DOCK1: variants seen among roughly 807,000 people sequenced by gnomAD.
DOCK1 encodes the protein dedicator of cytokinesis protein 1.
A neutral mutation model predicts 262.7 loss-of-function variants in DOCK1; 138 were observed. That is an observed-to-expected ratio of 0.53 (90% CI 0.46 to 0.61). The LOEUF is 0.61. DOCK1 is among the 20% of genes least tolerant of loss of function. The probability of loss-of-function intolerance (pLI) is 0.00; values close to 1 mark genes in which losing one functional copy is unlikely to be tolerated. For synonymous variants in DOCK1, 866 were observed against 867.4 expected, an observed-to-expected ratio of 1.00 and a Z score of 0.03; for missense variants, 1,908 against 2,370.7, an observed-to-expected ratio of 0.80 and a Z score of 4.05.
intron 16 of DOCK1, 29 bp from the exon 17 acceptor site, chr10:127,031,618 AATC>A: frequency 6.6e-7 from 1 of 1,509,246 alleles, no homozygotes; most frequent in Middle Eastern, 1.7e-4. Context: ...AATTGAAAGC[AATC>A]ATCAATTTTT....
chr10:127,134,551 T>G (rs2050532843), intron 27 of DOCK1, among the ~76,000 whole-genome samples: 1 of 152,164 alleles, frequency 6.6e-6, no homozygotes, highest in Non-Finnish European at 1.5e-5. Context: ...AGTTGCACAC[T>G]TGTAGAGTGA....
At chr10:127,026,464 G>A in intron 16 of DOCK1, 40 bp downstream of exon 16, 2 of 1,545,492 alleles carry the variant, frequency 1.3e-6, no homozygotes, top group Non-Finnish European at 1.8e-6. Flanking sequence ...GTATTTTTAA[G>A]GGAGAACTGG....
intron 27 of DOCK1, among the ~76,000 whole-genome samples, chr10:127,237,712 A>G (rs1194606317): frequency 1.3e-5 from 2 of 152,160 alleles, no homozygotes; most frequent in African/African-American, 4.8e-5. Context: ...TTGTAGTTCT[A>G]TTATTGTATT....
In DOCK1 at chr10:127,451,694, T is replaced by A; in HGVS notation, c.*267T>A. 1.7e-6 allele frequency: 1 copy of A among 573,170 alleles called. No individual in the cohort carries two copies. Among genetic ancestry groups the A allele is most frequent in the Non-Finnish European group, 2.8e-6 (1 of 356,574 alleles). The allele number at this position is 573,170 out of a possible 1,614,324, so 35.5% of individuals were successfully genotyped here. A position where few individuals can be genotyped will look rare whatever the true frequency, so the allele number is the denominator to read the frequency against. On this transcript the variant is annotated 3_prime_UTR_variant, in exon 52 of 52. Coordinates refer to ENST00000623213, the MANE Select transcript of DOCK1 (RefSeq NM_001290223.2). The stretch of plus-strand genomic sequence containing the variant: ...GGGGGCCTCTGAGTGTGTCTGGCTC[T>A]GAGAGAGTCTGAGTCTTGCCCAAAC...
chr10:127,246,563 C>T (rs2059437423), intron 27 of DOCK1, among the ~76,000 whole-genome samples: 1 of 152,170 alleles, frequency 6.6e-6, no homozygotes, highest in Admixed American at 6.5e-5. Context: ...AGCTGTTTCC[C>T]TGAACACCAA....
At chr10:126,938,928 C>CACG (rs1263048011) in intron 1 of DOCK1, among the ~76,000 whole-genome samples, 4 of 96,404 alleles carry the variant, frequency 4.1e-5, no homozygotes, top group Non-Finnish European at 7.5e-5. Context: ...AAAGGATGAA[C>CACG]ACGGGGGGAC....
rs577880907 is a variant in DOCK1 at position 127,215,348 on chromosome 10, C to T, written c.2848-32660C>T. 1.1e-4 allele frequency among the ~76,000 whole-genome samples: 16 copies of T among 152,248 alleles called. No homozygotes were observed. The South Asian group carries it at 3.1e-3, about 30-fold the overall frequency. ...GCATCCATGGAGCACTAGGGAAGAC[C>T]CAGCCACGCAGCTCCATGTGATCCC... On this transcript the variant is annotated intron_variant, in intron 27 of 51. Transcript: ENST00000623213.
chr10:127,374,303 C>T (rs1053386915), intron 35 of DOCK1, 89 bp downstream of exon 35: 2 of 1,443,232 alleles, frequency 1.4e-6, no homozygotes, highest in African/African-American at 2.9e-5. Flanking sequence ...CTATGACAGT[C>T]AGCCACGAAG....
intron 29 of DOCK1, among the ~76,000 whole-genome samples, chr10:127,279,289 C>T (rs1202992862): frequency 6.6e-6 from 1 of 152,186 alleles, no homozygotes; most frequent in Non-Finnish European, 1.5e-5. Context: ...CCATACTTTA[C>T]AAGTACCATT....
At chr10:126,958,964 A>G (rs2036973226) in intron 1 of DOCK1, among the ~76,000 whole-genome samples, 1 of 152,200 alleles carries the variant, frequency 6.6e-6, no homozygotes, top group South Asian at 2.1e-4. Flanking sequence ...TACATTTTAG[A>G]GACGCATGAG....
At chr10:127,152,010 CAT>C (rs71746119) in intron 27 of DOCK1, among the ~76,000 whole-genome samples, 124,280 of 145,434 alleles carry the variant, frequency 0.85, 51,711 homozygotes, top group South Asian at 0.92. Flanking sequence ...ACAGTGTTCA[CAT>C]ATATATATAT....
chr10:127,341,536 C>CT (rs1374342771), intron 30 of DOCK1, among the ~76,000 whole-genome samples: 1 of 152,150 alleles, frequency 6.6e-6, no homozygotes, highest in Non-Finnish European at 1.5e-5. Flanking sequence ...TTTTTTTCCC[C>CT]ATCTCATACT....
chr10:127,034,715 A>G (rs548240363), intron 18 of DOCK1, among the ~76,000 whole-genome samples: 17 of 152,276 alleles, frequency 1.1e-4, no homozygotes, highest in Admixed American at 6.5e-5. Context: ...GCAGGAAGCC[A>G]TCATCTCATA....
intron 1 of DOCK1, among the ~76,000 whole-genome samples, chr10:126,906,169 C>T (rs2030765332): frequency 6.6e-6 from 1 of 152,192 alleles, no homozygotes; most frequent in Admixed American, 6.5e-5. Context: ...GCCGAGCGCC[C>T]CAGTGGCCCC....
intron 27 of DOCK1, among the ~76,000 whole-genome samples, chr10:127,148,030 C>CAAAAAAAA (rs57503481): frequency 1.6e-5 from 1 of 63,276 alleles, no homozygotes; most frequent in Non-Finnish European, 3.3e-5. Flanking sequence ...GACTCTGTCT[C>CAAAAAAAA]AAAAAAAAAA....
At chr10:127,148,880 G>A (rs1245421493) in intron 27 of DOCK1, among the ~76,000 whole-genome samples, 29 of 152,142 alleles carry the variant, frequency 1.9e-4, no homozygotes, top group Non-Finnish European at 5.9e-5. Context: ...TAGCACAGTC[G>A]GTCTGCATCA....
chr10:127,050,057 T>A (rs2135716088), intron 21 of DOCK1, among the ~76,000 whole-genome samples: 1 of 145,094 alleles, frequency 6.9e-6, no homozygotes, highest in South Asian at 2.3e-4. Context: ...ATTGTAGGGA[T>A]GTATTACCAT....
chr10:127,011,971 C>T (rs2041487813), intron 11 of DOCK1, among the ~76,000 whole-genome samples: 1 of 152,134 alleles, frequency 6.6e-6, no homozygotes, highest in Non-Finnish European at 1.5e-5. Flanking sequence ...GATGGAGATG[C>T]AGTGGAGGCC....
intron 29 of DOCK1, among the ~76,000 whole-genome samples, chr10:127,266,441 G>A (rs965020223): frequency 2.6e-5 from 4 of 151,240 alleles, no homozygotes; most frequent in African/African-American, 9.7e-5. Context: ...ACAGTATACA[G>A]CAGTTGTTGA....
Sources: allele counts gnomAD v4.1 joint callset (sites outside exome capture counted in the v4.1 genomes callset), GRCh38; gene constraint gnomAD v4.1.1; transcripts MANE v1.5; gene names NCBI Gene and HGNC (gene_info 2026-07-23, HGNC 2026-07-21).